WWOX: variants seen among roughly 807,000 people sequenced by gnomAD.
The protein encoded by WWOX is WW domain-containing oxidoreductase.
In WWOX, 69 loss-of-function variants were observed where a neutral mutation model predicts 46.2. The observed-to-expected ratio is 1.49, with a 90% CI of 1.23 to 1.82. The LOEUF (loss-of-function observed/expected upper bound fraction) is 1.82. Ranked by LOEUF, WWOX falls within the 40% of genes most tolerant of loss-of-function variation. The pLI is 0.00. For synonymous variants in WWOX, 359 were observed against 202.6 expected (o/e 1.77, Z -6.56); for missense variants, 919 against 542.6 (o/e 1.69, Z -6.89).
chr16:78,800,816 T>C (rs1391424442), intron 8 of WWOX, among the ~76,000 whole-genome samples: 2 of 152,100 alleles, frequency 1.3e-5, no homozygotes, highest in African/African-American at 4.8e-5. Flanking sequence ...TCTCTTGAGA[T>C]AGCATCTCCT....
At chr16:78,157,847 G>T (rs1305503811) in intron 4 of WWOX, among the ~76,000 whole-genome samples, 1 of 152,310 alleles carries the variant, frequency 6.6e-6, no homozygotes, top group East Asian at 1.9e-4. Context: ...TGACTGTGCT[G>T]GATTTGGTAG....
intron 8 of WWOX, among the ~76,000 whole-genome samples, chr16:78,598,457 T>A (rs2045542599): frequency 1.3e-5 from 2 of 152,200 alleles, no homozygotes; most frequent in Admixed American, 6.5e-5. Context: ...CCCTGGCCCC[T>A]GTGCATTTTG....
At chr16:79,036,133 G>A (rs1304664645) in intron 8 of WWOX, among the ~76,000 whole-genome samples, 1 of 152,106 alleles carries the variant, frequency 6.6e-6, no homozygotes, top group Non-Finnish European at 1.5e-5. Flanking sequence ...CACTCTCTAT[G>A]AAATACCTTG....
At chr16:79,194,617 C>T (rs936548049) in intron 8 of WWOX, among the ~76,000 whole-genome samples, 5 of 152,160 alleles carry the variant, frequency 3.3e-5, no homozygotes, top group South Asian at 2.1e-4. Flanking sequence ...TCTCCACCCC[C>T]GTTCAGTTCC....
At chr16:79,135,628 A>C (rs776084484) in intron 8 of WWOX, among the ~76,000 whole-genome samples, 1 of 152,180 alleles carries the variant, frequency 6.6e-6, no homozygotes, top group African/African-American at 2.4e-5. Flanking sequence ...ATGTACTTCA[A>C]ATTTTTAACA....
rs528847652 is a variant in WWOX at position 78,530,919 on chromosome 16, C to T, written c.1056+98167C>T. ...ATTATCTCACTTAATTTCACAACTC[C>T]ATAAAGTAGTTTTCACTTAGTTGAG... is the stretch of plus-strand genomic sequence containing the variant. On this transcript the variant is annotated intron_variant, in intron 8 of 8. Coordinates refer to ENST00000566780, the MANE Select transcript of WWOX (RefSeq NM_016373.4). Among the ~76,000 whole-genome samples, 3 of 152,296 alleles carry T rather than the reference C, an allele frequency of 2.0e-5. No homozygotes were observed. The South Asian group carries it at 6.2e-4, about 32-fold the overall frequency.
intron 8 of WWOX, among the ~76,000 whole-genome samples, chr16:78,523,159 C>G (rs2043386363): frequency 6.6e-6 from 1 of 152,170 alleles, no homozygotes; most frequent in Non-Finnish European, 1.5e-5. Flanking sequence ...CAGTGGCTTA[C>G]AGACCTAAAT....
chr16:78,211,203 T>A (rs2036548806), intron 5 of WWOX, among the ~76,000 whole-genome samples: 1 of 152,180 alleles, frequency 6.6e-6, no homozygotes, highest in South Asian at 2.1e-4. Context: ...ACGCTGCCAA[T>A]TTCCCACGAG....
intron 8 of WWOX, among the ~76,000 whole-genome samples, chr16:78,791,260 C>T (rs139097092): frequency 2.0e-5 from 3 of 152,166 alleles, no homozygotes; most frequent in South Asian, 2.1e-4. Flanking sequence ...ACCCTCCCTC[C>T]GATCCACCAG....
At chr16:79,059,750 T>C (rs1215412642) in intron 8 of WWOX, among the ~76,000 whole-genome samples, 1 of 152,148 alleles carries the variant, frequency 6.6e-6, no homozygotes, top group Non-Finnish European at 1.5e-5. Context: ...CCTTGAGAAA[T>C]GGGTAAACTT....
At chr16:78,251,633 C>T (rs1330869407) in intron 5 of WWOX, among the ~76,000 whole-genome samples, 1 of 152,164 alleles carries the variant, frequency 6.6e-6, no homozygotes, top group Admixed American at 6.5e-5. Flanking sequence ...TTACTTACAC[C>T]CGAGAAGATT....
intron 8 of WWOX, among the ~76,000 whole-genome samples, chr16:79,145,640 T>G (rs948920717): frequency 5.9e-5 from 9 of 152,180 alleles, no homozygotes; most frequent in Non-Finnish European, 1.2e-4. Flanking sequence ...AAAAAAGTCT[T>G]AAGTAATGGG....
intron 8 of WWOX, among the ~76,000 whole-genome samples, chr16:78,538,923 A>G (rs1200764452): frequency 1.3e-5 from 2 of 152,198 alleles, no homozygotes; most frequent in East Asian, 3.9e-4. Flanking sequence ...CTTCTGTTGC[A>G]ATTTCTTCCA....
At chr16:78,521,893 G>A (rs1000607445) in intron 8 of WWOX, among the ~76,000 whole-genome samples, 12 of 152,074 alleles carry the variant, frequency 7.9e-5, no homozygotes, top group African/African-American at 2.7e-4. Context: ...GAGGATATTC[G>A]TCTGGATTTT....
intron 8 of WWOX, among the ~76,000 whole-genome samples, chr16:78,982,452 G>C (rs995288862): frequency 2.6e-5 from 4 of 152,210 alleles, no homozygotes; most frequent in Non-Finnish European, 5.9e-5. Flanking sequence ...ACTGCATTCA[G>C]GCCCTTCCTG....
At chr16:78,944,418 A>G (rs1392607856) in intron 8 of WWOX, among the ~76,000 whole-genome samples, 1 of 152,212 alleles carries the variant, frequency 6.6e-6, no homozygotes, top group Non-Finnish European at 1.5e-5. Flanking sequence ...GAATGGAGTC[A>G]AATTATAAAC....
At chr16:78,473,979 C>T (rs1484788277) in intron 8 of WWOX, among the ~76,000 whole-genome samples, 1 of 152,150 alleles carries the variant, frequency 6.6e-6, no homozygotes. Context: ...AATGAATAGT[C>T]TTGAAATATG....
chr16:78,299,502 ATTTCTTTTCT>A (rs1161294285), intron 5 of WWOX, among the ~76,000 whole-genome samples: 4 of 148,224 alleles, frequency 2.7e-5, no homozygotes, highest in Admixed American at 1.3e-4. Flanking sequence ...ATTCCATTCC[ATTTCTTTTCT>A]TTTCTTTTCT....
At chr16:78,306,297 C>T (rs2080134261) in intron 5 of WWOX, among the ~76,000 whole-genome samples, 1 of 152,130 alleles carries the variant, frequency 6.6e-6, no homozygotes, top group Non-Finnish European at 1.5e-5. Flanking sequence ...GTATACGATT[C>T]TAGAAGGGTG....
Sources: gnomAD v4.1 joint callset for allele counts (sites outside exome capture counted in the v4.1 genomes callset) on GRCh38, gnomAD v4.1.1 for gene constraint, MANE v1.5 for transcripts, NCBI Gene and HGNC (gene_info 2026-07-23, HGNC 2026-07-21) for gene names.